Variants in PWWP2B observed in about 807,000 individuals in gnomAD.
The protein encoded by PWWP2B is PWWP domain containing 2B.
A neutral mutation model predicts 15.5 loss-of-function variants in PWWP2B; 9 were observed. The ratio of observed to expected loss-of-function variants is 0.58; its 90% confidence interval spans 0.35 to 1.02. The LOEUF is 1.02. Among genes scored for constraint, PWWP2B ranks in the 50% least tolerant of loss-of-function variants. PWWP2B has a pLI of 0.02. For synonymous variants in PWWP2B, 474 were observed against 403.6 expected (o/e 1.17, Z -2.09); for missense variants, 864 against 865.3 (o/e 1.00, Z 0.02).
chr10:132,407,754 A>C (rs1249998071), intron 2 of PWWP2B, among the ~76,000 whole-genome samples: 1 of 152,172 alleles, frequency 6.6e-6, no homozygotes, highest in East Asian at 1.9e-4. Flanking sequence ...GCCTTGGGGC[A>C]GGCGTGGGGC....
chr10:132,398,274 A>C (rs1312482136), intron 1 of PWWP2B, among the ~76,000 whole-genome samples: 2 of 152,234 alleles, frequency 1.3e-5, no homozygotes, highest in African/African-American at 4.8e-5. Flanking sequence ...CGCAGACGTT[A>C]TCTCTTCATT....
intron 1 of PWWP2B, among the ~76,000 whole-genome samples, chr10:132,402,410 G>T (rs1161115257): frequency 6.6e-6 from 1 of 152,240 alleles, no homozygotes; most frequent in Admixed American, 6.5e-5. Context: ...CTCATTTGAG[G>T]CCCTTTCATT....
At chr10:132,410,592 G>A (rs527899336) in intron 2 of PWWP2B, among the ~76,000 whole-genome samples, 57 of 152,198 alleles carry the variant, frequency 3.7e-4, no homozygotes, top group Admixed American at 2.1e-3. Context: ...GAGGGGCGGC[G>A]GGCTGCCTGG....
At position 132,405,932 on chromosome 10, in the gene PWWP2B, T is replaced by C; in HGVS notation, c.1432T>C (p.Ser478Pro). ...GGTCAGGCTGCACACACAGAGCGTG[T>C]CGGAGTGCATCACGGAGGACGGCAG... Reference protein sequence around the residue: ...LTVRLHTQSVSECITEDGRTV... With the variant: ...LTVRLHTQSVPECITEDGRTV... Residue 478 changes from serine (S) to proline (P), a missense_variant, in exon 2 of 3, where the codon TCG becomes CCG. Physicochemically the swap from Ser to Pro is moderately conservative, Grantham distance 74. Coordinates refer to ENST00000305233, the MANE Select transcript of PWWP2B (RefSeq NM_138499.4). 1 of 1,613,150 alleles carries C rather than the reference T, an allele frequency of 6.2e-7. No homozygotes were observed. The highest frequency in any genetic ancestry group is 8.5e-7 in the Non-Finnish European group (1 of 1,179,990).
At chr10:132,402,165 C>G (rs1012766641) in intron 1 of PWWP2B, among the ~76,000 whole-genome samples, 3 of 152,240 alleles carry the variant, frequency 2.0e-5, no homozygotes, top group African/African-American at 7.2e-5. Context: ...AGGGACTAAC[C>G]CCTGGCCTGT....
intron 2 of PWWP2B, among the ~76,000 whole-genome samples, chr10:132,409,860 C>T (rs2133161089): frequency 6.6e-6 from 1 of 152,140 alleles, no homozygotes; most frequent in Non-Finnish European, 1.5e-5. Context: ...GAGGAGGTGG[C>T]AGGAGCCAGG....
chr10:132,415,194 ACACATC>A lies in PWWP2B; in HGVS notation c.*17-1857_*17-1852del, dbSNP rs1590767382. Among the ~76,000 whole-genome samples the A allele has an allele frequency of 7.9e-5, 12 of 152,056 alleles. No homozygotes were observed. In the South Asian group the frequency reaches 2.3e-3, roughly 29 times the overall value. ...GCTGAGATCTCTCCTGTTCACTGCC[ACACATC>A]CACATCCACTCTCACACACACACCC... On this transcript the variant is annotated intron_variant, in intron 2 of 2. Transcript: ENST00000305233.
At chr10:132,416,537 C>A (rs894912090) in intron 2 of PWWP2B, among the ~76,000 whole-genome samples, 1 of 152,124 alleles carries the variant, frequency 6.6e-6, no homozygotes, top group Non-Finnish European at 1.5e-5. Context: ...CCTGGGGCTC[C>A]GCACAGATCT....
rs72863863 is a variant in PWWP2B at position 132,399,986 on chromosome 10, C to T, written c.125+2635C>T. On this transcript the variant is annotated intron_variant, in intron 1 of 2. Transcript: ENST00000305233. ...GCTGGAAAGGTCAGGGGACTGTCCTCTGTGAACCACACCCTAGGCCAGACA... is the reference window on the plus strand; with the variant it reads ...GCTGGAAAGGTCAGGGGACTGTCCTTTGTGAACCACACCCTAGGCCAGACA... Among the ~76,000 whole-genome samples the T allele has an allele frequency of 9.1e-3, 1,393 of 152,332 alleles. 9 individuals are homozygous for T. Among genetic ancestry groups the T allele is most frequent in the Non-Finnish European group, 0.014 (926 of 68,026 alleles).
In PWWP2B at chr10:132,404,951, A is replaced by T; in HGVS notation, c.451A>T (p.Thr151Ser). 1.3e-6 allele frequency: 2 copies of T among 1,592,490 alleles called. No individual in the cohort carries two copies. Reference sequence around the variant, plus strand: ...GCCGCCGCCCAGGACCATCAAGCGCACGCGGCGGCGTCTGTCCCGCAACCG... The same window carrying T: ...GCCGCCGCCCAGGACCATCAAGCGCTCGCGGCGGCGTCTGTCCCGCAACCG... ...PQPPPRTIKR[T>S]RRRLSRNRDP... is the part of the protein sequence containing the mutation. The change falls in exon 2 of 3, where the codon ACG becomes TCG. Residue 151 changes from threonine to serine, a missense_variant. Physicochemically the swap from Thr to Ser is moderately conservative, Grantham distance 58. Transcript: ENST00000305233.
At chr10:132,400,765 G>C (rs953384789) in intron 1 of PWWP2B, among the ~76,000 whole-genome samples, 1 of 152,360 alleles carries the variant, frequency 6.6e-6, no homozygotes, top group Non-Finnish European at 1.5e-5. Context: ...CCTGCGCTGC[G>C]CTGAGGCTGC....
At chr10:132,414,632 G>T (rs909990784) in intron 2 of PWWP2B, among the ~76,000 whole-genome samples, 2 of 152,376 alleles carry the variant, frequency 1.3e-5, no homozygotes, top group East Asian at 3.9e-4. Context: ...GCTGTCAGCC[G>T]TGGAGTGGGT....
rs533776360 is a variant in PWWP2B at position 132,414,375 on chromosome 10, G to T, written c.*17-2686G>T. Among the ~76,000 whole-genome samples the T allele has an allele frequency of 3.9e-5, 6 of 152,342 alleles. No homozygotes were observed. The East Asian group carries it at 1.2e-3, about 29-fold the overall frequency. ...TTTGCAGGGAAGTGTGGTTGCCTTT[G>T]ATTTGAGCCTCTTTCGAATCCTAAA... On this transcript the variant is annotated intron_variant, in intron 2 of 2. Transcript: ENST00000305233.
At chr10:132,412,450 C>T (rs111604889) in intron 2 of PWWP2B, among the ~76,000 whole-genome samples, 2 of 152,154 alleles carry the variant, frequency 1.3e-5, no homozygotes, top group Non-Finnish European at 2.9e-5. Context: ...CCATGGGGCT[C>T]ACTCTCTTAC....
At chr10:132,409,541 C>T (rs2069749505) in intron 2 of PWWP2B, among the ~76,000 whole-genome samples, 2 of 152,182 alleles carry the variant, frequency 1.3e-5, no homozygotes, top group African/African-American at 4.8e-5. Flanking sequence ...GGCAGCTCCT[C>T]CCCAGGGTGA....
chr10:132,417,847 G>A lies in PWWP2B; in HGVS notation c.*803G>A, dbSNP rs1255342359. ...TTAAAGACCAAAAAGAATAAAGAAAGAAAAGAAAAAAATTAATCTGCTCTT... is the reference window on the plus strand; with the variant it reads ...TTAAAGACCAAAAAGAATAAAGAAAAAAAAGAAAAAAATTAATCTGCTCTT... On this transcript the variant is annotated 3_prime_UTR_variant, in exon 3 of 3. Coordinates refer to ENST00000305233, the MANE Select transcript of PWWP2B (RefSeq NM_138499.4). 1 of 152,146 alleles carries A rather than the reference G, an allele frequency of 6.6e-6. No individual in the cohort carries two copies. The highest frequency in any genetic ancestry group is 1.5e-5 in the Non-Finnish European group (1 of 67,994). 9.4% of individuals were successfully genotyped at this position (152,146 alleles called of 1,614,324 possible).
rs549686497 is a variant in PWWP2B, at chr10:132,406,923, C to T, written c.*16+634C>T. ...CAGGCTGTGTGCGTGGCCAGGCGCC[C>T]GGGACCTGGGACATGGTGTGGGGGC... On this transcript the variant is annotated intron_variant, in intron 2 of 2. Transcript: ENST00000305233. 2.0e-5 allele frequency among the ~76,000 whole-genome samples: 3 copies of T among 152,282 alleles called. No homozygotes were observed. In the South Asian group the frequency reaches 6.2e-4, roughly 32 times the overall value.
Position 132,404,776 on chromosome 10 carries a change from G to A in PWWP2B, c.276G>A (p.Gln92=). ...CCCCCCCTCCTGCCCGCGGGGTTCA[G>A]CCCCCCGAGACCACCCGCCCCGAGC... ...SSSPPPARGV[Q]PPETTRPEPP... Residue 92 remains glutamine (Q), a synonymous_variant, in exon 2 of 3, where the codon CAG becomes CAA. Coordinates refer to ENST00000305233, the MANE Select transcript of PWWP2B (RefSeq NM_138499.4). 1 of 1,556,942 alleles carries A rather than the reference G, an allele frequency of 6.4e-7. No homozygotes were observed. Among genetic ancestry groups the A allele is most frequent in the Non-Finnish European group, 8.7e-7 (1 of 1,148,118 alleles).
intron 1 of PWWP2B, among the ~76,000 whole-genome samples, chr10:132,400,106 A>G (rs2069596310): frequency 2.0e-5 from 3 of 152,126 alleles, no homozygotes; most frequent in Non-Finnish European, 1.5e-5. Flanking sequence ...TGGAGGCTGC[A>G]CTGCTGGGGG....
Sources: gnomAD v4.1 joint callset for allele counts (sites outside exome capture counted in the v4.1 genomes callset) on GRCh38, gnomAD v4.1.1 for gene constraint, MANE v1.5 for transcripts, NCBI Gene and HGNC (gene_info 2026-07-23, HGNC 2026-07-21) for gene names.